Variants in ATRNL1 observed in about 807,000 individuals in gnomAD.
The protein encoded by ATRNL1 is attractin like 1.
Under a neutral mutation model 182.7 loss-of-function variants are expected in ATRNL1, and 95 were observed. The observed-to-expected ratio is 0.52, with a 90% confidence interval of 0.44 to 0.62. The LOEUF is 0.62. ATRNL1 is among the 20% of genes least tolerant of loss of function. The pLI, the probability that ATRNL1 is intolerant of heterozygous loss-of-function variation, is 0.00. For synonymous variants in ATRNL1, 576 were observed against 568.3 expected (o/e 1.01, Z -0.19); for missense variants, 1,471 against 1,679.5 (o/e 0.88, Z 2.17).
At chr10:115,868,546 A>G (rs558574842) in intron 28 of ATRNL1, among the ~76,000 whole-genome samples, 45 of 152,308 alleles carry the variant, frequency 3.0e-4, no homozygotes, top group Admixed American at 1.8e-3. Flanking sequence ...CAGACCGTCA[A>G]TGCTTCACTG....
chr10:115,330,316 C>T (rs1187481524), intron 18 of ATRNL1, among the ~76,000 whole-genome samples: 3 of 152,058 alleles, frequency 2.0e-5, no homozygotes, highest in African/African-American at 7.2e-5. Flanking sequence ...TCTTGACCCA[C>T]GATTACCATG....
chr10:115,265,678 T>C (rs944017413), intron 11 of ATRNL1, among the ~76,000 whole-genome samples: 1 of 151,758 alleles, frequency 6.6e-6, no homozygotes, highest in Non-Finnish European at 1.5e-5. Context: ...ATTTTAGTTC[T>C]GTCATTTACT....
At chr10:115,439,228 G>A (rs191102487) in intron 21 of ATRNL1, among the ~76,000 whole-genome samples, 64 of 151,912 alleles carry the variant, frequency 4.2e-4, no homozygotes, top group African/African-American at 1.5e-3. Context: ...TGGTCTTCCT[G>A]TCTCAGAGGT....
At chr10:115,406,502 G>A (rs1252794209) in intron 20 of ATRNL1, among the ~76,000 whole-genome samples, 1 of 152,144 alleles carries the variant, frequency 6.6e-6, no homozygotes, top group East Asian at 1.9e-4. Flanking sequence ...TTTTATTAAT[G>A]CTCCACATCT....
At chr10:115,539,251 C>T (rs1361538102) in intron 25 of ATRNL1, among the ~76,000 whole-genome samples, 1 of 126,358 alleles carries the variant, frequency 7.9e-6, no homozygotes, top group Non-Finnish European at 1.7e-5. Context: ...GTTGTTACAC[C>T]ATGATTTGTT....
At chr10:115,392,780 G>A (rs1460524544) in intron 19 of ATRNL1, among the ~76,000 whole-genome samples, 1 of 152,070 alleles carries the variant, frequency 6.6e-6, no homozygotes, top group Non-Finnish European at 1.5e-5. Flanking sequence ...TCCTGTTCTG[G>A]CAACTTTTAC....
intron 28 of ATRNL1, among the ~76,000 whole-genome samples, chr10:115,902,767 G>A (rs1319807275): frequency 1.3e-5 from 2 of 152,158 alleles, no homozygotes; most frequent in African/African-American, 4.8e-5. Flanking sequence ...ATTTTAACAC[G>A]AATGACACAA....
chr10:115,718,278 A>G (rs1253519850), intron 26 of ATRNL1, among the ~76,000 whole-genome samples: 3 of 152,194 alleles, frequency 2.0e-5, no homozygotes, highest in African/African-American at 4.8e-5. Flanking sequence ...TTCCCTCTGC[A>G]CTGTATCTTT....
intron 1 of ATRNL1, among the ~76,000 whole-genome samples, chr10:115,117,789 A>G (rs1042931376): frequency 1.3e-5 from 2 of 152,156 alleles, no homozygotes; most frequent in African/African-American, 2.4e-5. Flanking sequence ...TGTTCTCCAT[A>G]GTGGTTGTAC....
intron 20 of ATRNL1, among the ~76,000 whole-genome samples, chr10:115,401,054 C>T (rs1328497226): frequency 6.6e-6 from 1 of 151,768 alleles, no homozygotes; most frequent in Non-Finnish European, 1.5e-5. Flanking sequence ...AAAAGATAAA[C>T]ATTGATTTAT....
chr10:115,584,099 G>T (rs562356719), intron 26 of ATRNL1, among the ~76,000 whole-genome samples: 210 of 151,672 alleles, frequency 1.4e-3, no homozygotes, highest in African/African-American at 4.7e-3. Flanking sequence ...CAGGTATGAA[G>T]CCCACTCGAT....
At chr10:115,587,259 C>G (rs538939658) in intron 26 of ATRNL1, among the ~76,000 whole-genome samples, 1 of 152,282 alleles carries the variant, frequency 6.6e-6, no homozygotes, top group East Asian at 2.0e-4. Flanking sequence ...AGGCAGCCCT[C>G]CTTGAGCTGT....
At chr10:115,353,490 A>G (rs1366019192) in intron 19 of ATRNL1, among the ~76,000 whole-genome samples, 1 of 152,008 alleles carries the variant, frequency 6.6e-6, no homozygotes, top group Non-Finnish European at 1.5e-5. Flanking sequence ...TGGGCAGCAT[A>G]TATTTGAGTC....
intron 20 of ATRNL1, among the ~76,000 whole-genome samples, chr10:115,419,471 T>A (rs1845554924): frequency 6.6e-6 from 1 of 152,144 alleles, no homozygotes; most frequent in Non-Finnish European, 1.5e-5. Flanking sequence ...ATTATTCAGT[T>A]AAAAGAGAGG....
intron 18 of ATRNL1, among the ~76,000 whole-genome samples, chr10:115,322,950 T>G (rs1029491212): frequency 7.2e-5 from 11 of 152,102 alleles, no homozygotes. Flanking sequence ...TTATAATGGG[T>G]CTTTTTGTGG....
intron 26 of ATRNL1, among the ~76,000 whole-genome samples, chr10:115,675,282 A>G (rs1555042591): frequency 6.6e-6 from 1 of 152,106 alleles, no homozygotes; most frequent in African/African-American, 2.4e-5. Context: ...GGATCTCATG[A>G]GCCCAGGAGT....
At chr10:115,220,728 G>C (rs1297261908) in intron 9 of ATRNL1, among the ~76,000 whole-genome samples, 1 of 91,976 alleles carries the variant, frequency 1.1e-5, no homozygotes, top group South Asian at 4.9e-4. Context: ...AAATAATGGG[G>C]GGGGGGGGGC....
intron 26 of ATRNL1, among the ~76,000 whole-genome samples, chr10:115,705,553 A>G (rs1458616512): frequency 6.6e-6 from 1 of 151,926 alleles, no homozygotes; most frequent in African/African-American, 2.4e-5. Flanking sequence ...AATATATCAC[A>G]TTACCTTGGT....
At chr10:115,923,646 G>T (rs1460049427) in intron 28 of ATRNL1, among the ~76,000 whole-genome samples, 1 of 152,034 alleles carries the variant, frequency 6.6e-6, no homozygotes, top group Non-Finnish European at 1.5e-5. Context: ...TCTTTATCCG[G>T]TCTATCATTA....
Sources: allele counts gnomAD v4.1 joint callset (sites outside exome capture counted in the v4.1 genomes callset), GRCh38; gene constraint gnomAD v4.1.1; transcripts MANE v1.5; gene names NCBI Gene and HGNC (gene_info 2026-07-23, HGNC 2026-07-21).